The following FRMPD4 variants were observed in gnomAD, a reference collection of about 807,000 sequenced individuals.
FRMPD4 encodes the protein FERM and PDZ domain-containing protein 4.
Under a neutral mutation model 94.1 loss-of-function variants are expected in FRMPD4, and 22 were observed. The observed-to-expected ratio is 0.23, with a 90% CI of 0.17 to 0.33. FRMPD4 has a LOEUF of 0.33. Among genes scored for constraint, FRMPD4 ranks in the 10% least tolerant of loss-of-function variants. The pLI is 1.00. For missense variants in FRMPD4, 1,111 were observed against 1,339.9 expected, an observed-to-expected ratio of 0.83 and a Z score of 2.67; for synonymous variants, 631 against 548.6, an observed-to-expected ratio of 1.15 and a Z score of -2.10.
chrX:12,151,272 G>A (rs1461921329), intron 1 of FRMPD4, among the ~76,000 whole-genome samples: 1 of 111,489 alleles, frequency 9.0e-6, no homozygotes, highest in East Asian at 2.8e-4. Flanking sequence ...ACAATGGCTG[G>A]AAGGATACAC....
At chrX:11,957,291 C>T (rs888349979) in intron 3 of FRMPD4, among the ~76,000 whole-genome samples, 1 of 111,882 alleles carries the variant, frequency 8.9e-6, no homozygotes, top group Admixed American at 9.5e-5. Flanking sequence ...AGTGCTGTGG[C>T]TCACACCTGT....
At chrX:12,712,804 G>A in intron 14 of FRMPD4, among the ~76,000 whole-genome samples, 1 of 111,985 alleles carries the variant, frequency 8.9e-6, no homozygotes, top group Non-Finnish European at 1.9e-5. Flanking sequence ...GGCTGGGCAT[G>A]GTGGCTCATG....
chrX:12,351,902 G>C (rs544230162), intron 1 of FRMPD4, among the ~76,000 whole-genome samples: 1 of 112,416 alleles, frequency 8.9e-6, no homozygotes, highest in Non-Finnish European at 1.9e-5. Context: ...TTAAATTGTC[G>C]ATGGACATTT....
At chrX:12,577,175 T>C (rs2058819725) in intron 2 of FRMPD4, among the ~76,000 whole-genome samples, 1 of 103,157 alleles carries the variant, frequency 9.7e-6, no homozygotes, top group Admixed American at 1.1e-4. Context: ...ATTCCAACCA[T>C]TGCGTTAGGT....
intron 4 of FRMPD4, among the ~76,000 whole-genome samples, chrX:12,642,443 A>G (rs948216804): frequency 9.0e-6 from 1 of 111,715 alleles, no homozygotes; most frequent in Admixed American, 9.5e-5. Context: ...GTGAAACAAG[A>G]GTGATATTGC....
intron 3 of FRMPD4, among the ~76,000 whole-genome samples, chrX:11,987,521 T>A (rs1250897068): frequency 2.7e-5 from 3 of 111,247 alleles, no homozygotes; most frequent in African/African-American, 9.8e-5. Context: ...ATGACAAAGG[T>A]ACCCACTTTC....
At chrX:12,559,364 C>T (rs58673116) in intron 2 of FRMPD4, among the ~76,000 whole-genome samples, 10,416 of 111,342 alleles carry the variant, frequency 0.094, 1,219 homozygotes, top group African/African-American at 0.32. Flanking sequence ...ATAACTCTTA[C>T]TGGGGCCAGG....
chrX:11,909,789 A>G (rs749781161), intron 3 of FRMPD4, among the ~76,000 whole-genome samples: 1 of 111,153 alleles, frequency 9.0e-6, no homozygotes, highest in East Asian at 2.8e-4. Flanking sequence ...TCTTCAGACC[A>G]TGAGTTATTT....
intron 1 of FRMPD4, among the ~76,000 whole-genome samples, chrX:12,160,500 T>C (rs759059597): frequency 2.1e-4 from 24 of 112,112 alleles, no homozygotes; most frequent in African/African-American, 7.8e-4. Context: ...GCTGGAGTAA[T>C]GTGTTGATTT....
chrX:12,118,821 G>A (rs771868191), intron 3 of FRMPD4, among the ~76,000 whole-genome samples: 1 of 112,123 alleles, frequency 8.9e-6, no homozygotes, highest in East Asian at 2.8e-4. Context: ...ATGGGAGAAG[G>A]GAGGACACTG....
intron 1 of FRMPD4, among the ~76,000 whole-genome samples, chrX:12,337,527 G>A (rs1248252382): frequency 8.9e-6 from 1 of 112,168 alleles, no homozygotes; most frequent in African/African-American, 3.2e-5. Context: ...TCTAGATCAA[G>A]TAAGATAAGG....
chrX:12,106,919 A>G (rs2055304219), intron 3 of FRMPD4, among the ~76,000 whole-genome samples: 1 of 111,525 alleles, frequency 9.0e-6, no homozygotes, highest in African/African-American at 3.3e-5. Flanking sequence ...AAGTGGGTGG[A>G]CCCCACCGCA....
intron 1 of FRMPD4, among the ~76,000 whole-genome samples, chrX:12,226,547 C>T (rs1422742114): frequency 9.0e-6 from 1 of 111,224 alleles, no homozygotes; most frequent in Non-Finnish European, 1.9e-5. Flanking sequence ...TGTAAGCTAA[C>T]AAGGTAGCTT....
chrX:12,679,338 A>G (rs962216263), intron 5 of FRMPD4, among the ~76,000 whole-genome samples: 1 of 111,710 alleles, frequency 9.0e-6, no homozygotes, highest in African/African-American at 3.3e-5. Flanking sequence ...TCCTAGAGAA[A>G]CTGCATGCCA....
At position 11,951,346 on chromosome X, in the gene FRMPD4, G is replaced by A. The variant is rs1345249013; in HGVS notation, c.95+73328G>A. On this transcript the variant is annotated intron_variant, in intron 3 of 18. Coordinates refer to the FRMPD4 transcript ENST00000640291. Reference sequence around the variant, plus strand: ...GCAAAGACATGGAATCAACCTAAGAGCCTGTCAATGATAGACTGGATAAAG... The same window carrying A: ...GCAAAGACATGGAATCAACCTAAGAACCTGTCAATGATAGACTGGATAAAG... Among the ~76,000 whole-genome samples the A allele has an allele frequency of 6.3e-5, 7 of 111,337 alleles. No individual in the cohort carries two copies. In the East Asian group the frequency reaches 2.0e-3, roughly 32 times the overall value.
At chrX:12,052,851 T>G (rs1298318940) in intron 3 of FRMPD4, among the ~76,000 whole-genome samples, 1 of 111,977 alleles carries the variant, frequency 8.9e-6, no homozygotes, top group Non-Finnish European at 1.9e-5. Context: ...TTTCCTAATA[T>G]TATCAACATA....
chrX:12,482,506 C>T (rs1285003806), intron 1 of FRMPD4, among the ~76,000 whole-genome samples: 1 of 111,439 alleles, frequency 9.0e-6, no homozygotes, highest in Non-Finnish European at 1.9e-5. Flanking sequence ...CTAACAGAGC[C>T]TAGAACTGAT....
chrX:11,956,253 C>T (rs1458553379), intron 3 of FRMPD4, among the ~76,000 whole-genome samples: 5 of 111,861 alleles, frequency 4.5e-5, no homozygotes, highest in African/African-American at 9.7e-5. Context: ...TAGAACTAGG[C>T]GCTCTGTTCT....
intron 3 of FRMPD4, among the ~76,000 whole-genome samples, chrX:12,009,639 G>A (rs745683861): frequency 1.4e-4 from 16 of 112,048 alleles, no homozygotes; most frequent in Admixed American, 4.7e-4. Context: ...CCATTGGGGC[G>A]TATTATTCTC....
Sources: allele counts gnomAD v4.1 joint callset (sites outside exome capture counted in the v4.1 genomes callset), GRCh38; gene constraint gnomAD v4.1.1; transcripts MANE v1.5; gene names NCBI Gene and HGNC (gene_info 2026-07-23, HGNC 2026-07-21).